The following WNK1 variants were observed in gnomAD, a reference collection of about 807,000 sequenced individuals.
WNK1 encodes WNK lysine deficient protein kinase 1.
WNK1 carries 38 observed loss-of-function variants against 222.8 expected under a neutral mutation model. That is an observed-to-expected ratio of 0.17 (90% CI 0.13 to 0.22). The LOEUF is 0.22. WNK1 is among the 10% of genes least tolerant of loss of function. The pLI is 1.00. For synonymous variants in WNK1, 1,090 were observed against 1,092.9 expected, an observed-to-expected ratio of 1.00 and a Z score of 0.05; for missense variants, 2,348 against 2,918.4, an observed-to-expected ratio of 0.80 and a Z score of 4.50.
chr12:885,878 A>C lies in WNK1; in HGVS notation c.5074A>C (p.Ile1692Leu). The part of the protein sequence containing the change: ...LVIESTVTPG[I>L]PTTAVAPSKL... ...CATAGAGAGCACTGTCACACCAGGC[A>C]TCCCAACTACTGCTGTTGCACCAAG... The change falls in exon 19 of 28, where the codon ATC becomes CTC. Residue 1692 changes from isoleucine to leucine, a missense_variant. This residue lies in a region of WNK1 where 1,144 missense variants were observed against 1,273.6 expected (regional missense o/e 0.90). Transcript: ENST00000315939. 2 of 1,613,244 alleles carry C rather than the reference A, an allele frequency of 1.2e-6. No individual in the cohort carries two copies. The highest frequency in any genetic ancestry group is 8.5e-7 in the Non-Finnish European group (1 of 1,179,318).
rs189148252 is a variant in WNK1 at position 896,610 on chromosome 12, T to A, written c.6123T>A (p.Leu2041=). Residue 2041 remains leucine (L), a synonymous_variant, in exon 24 of 28, where the codon CTT becomes CTA. Transcript: ENST00000315939. ...HSPHQLSSKS[L]PSQNLSQSLS... is the part of the protein sequence containing the mutation. ...CCCATCAGCTGAGCTCAAAGAGCCT[T>A]CCTAGCCAGAATCTAAGTCAAAGCC... 5.2e-5 allele frequency: 83 copies of A among 1,608,996 alleles called. No individual in the cohort carries two copies. In the Admixed American group the frequency reaches 7.4e-4, roughly 14 times the overall value.
intron 4 of WNK1, chr12:851,760 C>T (rs1191185253): frequency 2.2e-6 from 3 of 1,346,472 alleles, no homozygotes; most frequent in Non-Finnish European, 2.9e-6. Flanking sequence ...TGCTGCTGCC[C>T]TCAAAAGGAT....
chr12:888,159 TAAGAAAAAC>T (rs1168965326), intron 20 of WNK1, among the ~76,000 whole-genome samples: 1 of 152,160 alleles, frequency 6.6e-6, no homozygotes, highest in Non-Finnish European at 1.5e-5. Flanking sequence ...ATATAAGAAA[TAAGAAAAAC>T]ATGGTAAATT....
chr12:886,395 T>C (rs750101612), intron 19 of WNK1, among the ~76,000 whole-genome samples: 16 of 152,210 alleles, frequency 1.1e-4, no homozygotes, highest in Non-Finnish European at 1.3e-4. Context: ...AAAAGGGAGC[T>C]AAATGCATCT....
intron 1 of WNK1, among the ~76,000 whole-genome samples, chr12:804,368 A>G (rs1216907391): frequency 6.6e-6 from 1 of 152,174 alleles, no homozygotes; most frequent in Non-Finnish European, 1.5e-5. Flanking sequence ...AATGTTGTGC[A>G]ATTACTATCA....
chr12:838,410 G>GTTATTA (rs571830233), intron 4 of WNK1, among the ~76,000 whole-genome samples: 1 of 151,362 alleles, frequency 6.6e-6, no homozygotes, highest in African/African-American at 2.4e-5. Flanking sequence ...AATCCTTGTT[G>GTTATTA]TTATTATTAT....
At chr12:755,626 T>A (rs1482620008) in intron 1 of WNK1, among the ~76,000 whole-genome samples, 8 of 146,542 alleles carry the variant, frequency 5.5e-5, no homozygotes, top group Admixed American at 3.4e-4. Context: ...GACAGATCTT[T>A]AAAAAAAAAA....
At chr12:882,411 C>G (rs957370247) in intron 14 of WNK1, among the ~76,000 whole-genome samples, 1 of 152,050 alleles carries the variant, frequency 6.6e-6, no homozygotes, top group Non-Finnish European at 1.5e-5. Context: ...ATTGGTCAGG[C>G]TGGTTTCAAA....
Position 761,304 on chromosome 12 carries a change from C to G in WNK1, c.759+6980C>G, listed in dbSNP as rs567385186. On this transcript the variant is annotated intron_variant, in intron 1 of 27. Transcript: ENST00000315939. ...AAATTACCATATTAAATACATTATG[C>G]TAAATGAATATGTTGGAATGATTTT... Among the ~76,000 whole-genome samples the G allele has an allele frequency of 4.4e-4, 65 of 148,124 alleles. 5 individuals are homozygous for G. Among genetic ancestry groups the G allele is most frequent in the Non-Finnish European group, 8.0e-4 (53 of 66,220 alleles).
At chr12:840,397 G>C (rs1949536935) in intron 4 of WNK1, among the ~76,000 whole-genome samples, 1 of 149,684 alleles carries the variant, frequency 6.7e-6, no homozygotes, top group African/African-American at 2.5e-5. Flanking sequence ...CTCCCAAAAT[G>C]CTGGGATTAC....
In WNK1 at chr12:884,302, A is replaced by G; in HGVS notation, c.3844+59A>G. The G allele has an allele frequency of 6.2e-7, 1 of 1,610,614 alleles. No individual in the cohort carries two copies. Among genetic ancestry groups the G allele is most frequent in the African/African-American group, 1.3e-5 (1 of 74,980 alleles). Reference sequence around the variant, plus strand: ...ATTCTACAGTGCCTCTGCTATGTTGAAAGCTTAATCATAAAGCAGTAATTT... The same window carrying G: ...ATTCTACAGTGCCTCTGCTATGTTGGAAGCTTAATCATAAAGCAGTAATTT... On this transcript the variant is annotated intron_variant, in intron 18 of 27. Transcript: ENST00000315939. The surrounding 1 kb of genome is among the most constrained non-coding windows in gnomAD (Gnocchi z 5.6).
chr12:890,142 G>A (rs1033143671), intron 21 of WNK1, among the ~76,000 whole-genome samples: 2 of 151,540 alleles, frequency 1.3e-5, no homozygotes, highest in African/African-American at 2.4e-5. Flanking sequence ...TATTAGAGGC[G>A]GGGTTTCGCC....
Position 874,981 on chromosome 12 carries a change from A to G in WNK1, c.2224-3231A>G, listed in dbSNP as rs542872175. On this transcript the variant is annotated intron_variant, in intron 9 of 27. Coordinates refer to ENST00000315939, the MANE Select transcript of WNK1 (RefSeq NM_018979.4). ...AAGGAGGCATTTGAAATGGACTTTG[A>G]TTATAAGTTAGACTCAGATGTAGAA... Among the ~76,000 whole-genome samples, 4 of 152,324 alleles carry G rather than the reference A, an allele frequency of 2.6e-5. No individual in the cohort carries two copies. The East Asian group carries it at 7.7e-4, about 29-fold the overall frequency.
intron 19 of WNK1, among the ~76,000 whole-genome samples, 165 bp from the exon 20 acceptor site, chr12:887,056 G>GT (rs1191429496): frequency 6.6e-6 from 1 of 152,056 alleles, no homozygotes; most frequent in Non-Finnish European, 1.5e-5. Context: ...TTGTCACACC[G>GT]TTTTTTTAAG....
At chr12:767,372 C>T (rs1941889961) in intron 1 of WNK1, among the ~76,000 whole-genome samples, 1 of 150,788 alleles carries the variant, frequency 6.6e-6, no homozygotes, top group Admixed American at 6.7e-5. Context: ...CCTGCCTCAG[C>T]CTGCTGAGTA....
At chr12:835,950 TA>T (rs58030405) in intron 4 of WNK1, among the ~76,000 whole-genome samples, 717 of 140,276 alleles carry the variant, frequency 5.1e-3, no homozygotes, top group Admixed American at 5.3e-3. Context: ...AGACTTGGTC[TA>T]AAAAAAAAAA....
intron 1 of WNK1, among the ~76,000 whole-genome samples, chr12:807,300 T>G (rs1281558461): frequency 7.9e-5 from 12 of 151,862 alleles, no homozygotes; most frequent in Non-Finnish European, 1.8e-4. Flanking sequence ...TCTGTTTTTT[T>G]TTTTTTTTTT....
rs189241927 is a variant in WNK1, at chr12:871,385, A to T, written c.2223+37A>T. 4 of 1,594,944 alleles carry T rather than the reference A, an allele frequency of 2.5e-6. No homozygotes were observed. The East Asian group carries it at 8.9e-5, about 36-fold the overall frequency. On this transcript the variant is annotated intron_variant, in intron 9 of 27. Coordinates refer to ENST00000315939, the MANE Select transcript of WNK1 (RefSeq NM_018979.4). ...GCATTGCAACATTTTATGAATTAGCAGTGGCCAGAACACTATTTTAACTTT... is the reference window on the plus strand; with the variant it reads ...GCATTGCAACATTTTATGAATTAGCTGTGGCCAGAACACTATTTTAACTTT...
chr12:872,023 T>C (rs1408233201), intron 9 of WNK1, among the ~76,000 whole-genome samples: 1 of 152,256 alleles, frequency 6.6e-6, no homozygotes, highest in Non-Finnish European at 1.5e-5. Context: ...ATCCTGCACT[T>C]CTTTTTAATT....
Sources: allele counts gnomAD v4.1 joint callset (sites outside exome capture counted in the v4.1 genomes callset), GRCh38; gene constraint gnomAD v4.1.1; regional missense constraint gnomAD v4.1.1; non-coding constraint Gnocchi (gnomAD v3.1); transcripts MANE v1.5; gene names NCBI Gene and HGNC (gene_info 2026-07-23, HGNC 2026-07-21).